SLC9A1: variants seen among roughly 807,000 people sequenced by gnomAD.
SLC9A1 encodes the protein sodium/hydrogen exchanger 1.
In SLC9A1, 22 loss-of-function variants were observed where a neutral mutation model predicts 67.9. That is an observed-to-expected ratio of 0.32 (90% confidence interval 0.23 to 0.46). SLC9A1 has a LOEUF of 0.46. Ranked by LOEUF, SLC9A1 falls within the 20% of genes least tolerant of loss-of-function variation. The pLI is 1.00. For synonymous variants in SLC9A1, 421 were observed against 471.8 expected (o/e 0.89, Z 1.40); for missense variants, 686 against 1,094.8 (o/e 0.63, Z 5.27).
intron 3 of SLC9A1, among the ~76,000 whole-genome samples, 155 bp from the exon 4 acceptor site, chr1:27,108,020 A>G (rs11800862): frequency 0.024 from 3,470 of 145,972 alleles, 133 homozygotes; most frequent in African/African-American, 0.082. Flanking sequence ...CCCTCTTGCC[A>G]CTCATCCTCA....
In SLC9A1 at chr1:27,106,174, TC is replaced by T. The variant is rs1428379319; in HGVS notation, c.1283-88del. Reference sequence around the variant, plus strand: ...TCTGCATCAGTGATTTCTCTGTGCATCCAGGAAGTCTCCATTACGAAGCCCA... The same window carrying T: ...TCTGCATCAGTGATTTCTCTGTGCATCAGGAAGTCTCCATTACGAAGCCCA... On this transcript the variant is annotated intron_variant, in intron 4 of 11. Transcript: ENST00000263980. The surrounding 1 kb of genome is among the most constrained non-coding windows in gnomAD (Gnocchi z 4.3). 4 of 873,684 alleles carry T rather than the reference TC, an allele frequency of 4.6e-6. No homozygotes were observed. The highest frequency in any genetic ancestry group is 3.6e-6 in the Non-Finnish European group (2 of 548,696). The allele number at this position is 873,684 out of a possible 1,614,324, so 54.1% of individuals were successfully genotyped here. A position where few individuals can be genotyped will look rare whatever the true frequency, so the allele number is the denominator to read the frequency against.
chr1:27,143,647 A>C (rs1303960008), intron 1 of SLC9A1, among the ~76,000 whole-genome samples: 1 of 152,198 alleles, frequency 6.6e-6, no homozygotes, highest in African/African-American at 2.4e-5. Context: ...CGCCTTTCCC[A>C]CAGGACAGCC....
intron 1 of SLC9A1, among the ~76,000 whole-genome samples, chr1:27,121,337 G>A (rs922095077): frequency 6.6e-5 from 10 of 152,160 alleles, no homozygotes; most frequent in Non-Finnish European, 4.4e-5. Flanking sequence ...AGAGAAGACC[G>A]TGCAAGGAGG....
At position 27,114,338 on chromosome 1, in the gene SLC9A1, A is replaced by G. The variant is rs765084958; in HGVS notation, c.353-52T>C. The G allele has an allele frequency of 5.1e-5, 76 of 1,493,512 alleles. No homozygotes were observed. The highest frequency in any genetic ancestry group is 1.8e-4 in the Admixed American group (10 of 54,808). The allele number at this position is 1,493,512 out of a possible 1,614,324, so 92.5% of individuals were successfully genotyped here. ...CATGGGCTTTCGGAGGAGCCAGGAG[A>G]ATAGAAGGTTGGGGATGGGCCGGGG... is the stretch of plus-strand genomic sequence containing the variant. On this transcript the variant is annotated intron_variant, in intron 1 of 11. Transcript: ENST00000263980. The surrounding 1 kb of genome is among the most constrained non-coding windows in gnomAD (Gnocchi z 5.4).
intron 1 of SLC9A1, among the ~76,000 whole-genome samples, chr1:27,147,327 GA>G (rs1453505305): frequency 2.7e-5 from 3 of 111,806 alleles, no homozygotes; most frequent in South Asian, 2.9e-4. Flanking sequence ...AAAAAGAAAA[GA>G]AAAAAATACA....
In SLC9A1 at chr1:27,155,085, T is replaced by C. The variant is rs1557441159; in HGVS notation, c.-751A>G. The stretch of plus-strand genomic sequence containing the variant: ...CAGCTGCAGCTCCTCCTGGTCCAGC[T>C]CCAGAACTAACCCTAGCCCCGGCCC... On this transcript the variant is annotated 5_prime_UTR_variant, in exon 1 of 12. Coordinates refer to ENST00000263980, the MANE Select transcript of SLC9A1 (RefSeq NM_003047.5). This position sits in a 1 kb window ranked among gnomAD's most constrained non-coding sequence, Gnocchi z 4.5. Among the ~76,000 whole-genome samples the C allele has an allele frequency of 6.6e-6, 1 of 151,784 alleles. No individual in the cohort carries two copies. Among genetic ancestry groups the C allele is most frequent in the Non-Finnish European group, 1.5e-5 (1 of 67,910 alleles).
chr1:27,127,022 A>G (rs1314867941), intron 1 of SLC9A1, among the ~76,000 whole-genome samples: 1 of 152,032 alleles, frequency 6.6e-6, no homozygotes, highest in Admixed American at 6.6e-5. Flanking sequence ...GGCAGGGAAA[A>G]CAGAGTCTGG....
chr1:27,119,145 G>A (rs577387397), intron 1 of SLC9A1, among the ~76,000 whole-genome samples: 21 of 151,918 alleles, frequency 1.4e-4, no homozygotes, highest in African/African-American at 4.8e-4. Flanking sequence ...AGCCCCCTGC[G>A]GCTGCTCTGC....
rs1421136339 is a variant in SLC9A1, at chr1:27,138,154, C to A, written c.352+15829G>T. 2.6e-5 allele frequency among the ~76,000 whole-genome samples: 4 copies of A among 152,230 alleles called. No individual in the cohort carries two copies. In the East Asian group the frequency reaches 7.7e-4, roughly 29 times the overall value. On this transcript the variant is annotated intron_variant, in intron 1 of 11. Coordinates refer to ENST00000263980, the MANE Select transcript of SLC9A1 (RefSeq NM_003047.5). ...CCACACAGCACCATGAATCCTAGCC[C>A]CAGGCCCACGGGCCTGGCATGATCT...
intron 1 of SLC9A1, among the ~76,000 whole-genome samples, chr1:27,145,371 T>A (rs2083478975): frequency 6.6e-6 from 1 of 152,242 alleles, no homozygotes. Context: ...GGCCATATGC[T>A]AAATGCCTGC....
intron 3 of SLC9A1, among the ~76,000 whole-genome samples, chr1:27,108,305 A>T (rs2083204010): frequency 6.7e-6 from 1 of 148,370 alleles, no homozygotes; most frequent in Non-Finnish European, 1.5e-5. Context: ...TGACCTTGTA[A>T]TCCACCCGCC....
intron 1 of SLC9A1, among the ~76,000 whole-genome samples, chr1:27,138,960 C>T (rs1289796452): frequency 2.6e-5 from 4 of 152,012 alleles, no homozygotes; most frequent in South Asian, 2.1e-4. Flanking sequence ...TCAGGAGGCC[C>T]GGGAATCACC....
intron 2 of SLC9A1, among the ~76,000 whole-genome samples, chr1:27,112,295 CCA>C (rs780484782): frequency 3.9e-5 from 6 of 152,198 alleles, no homozygotes; most frequent in Admixed American, 6.5e-5. Context: ...CAGCTGAACA[CCA>C]CAGTCTGTCT....
chr1:27,121,260 G>A (rs1229551127), intron 1 of SLC9A1, among the ~76,000 whole-genome samples: 1 of 152,142 alleles, frequency 6.6e-6, no homozygotes, highest in Non-Finnish European at 1.5e-5. Flanking sequence ...AGGTCTGGAT[G>A]GGAAAGCAGG....
intron 1 of SLC9A1, among the ~76,000 whole-genome samples, chr1:27,140,441 T>C (rs1454137893): frequency 6.6e-6 from 1 of 152,102 alleles, no homozygotes; most frequent in African/African-American, 2.4e-5. Flanking sequence ...CTCCAGTCCA[T>C]ATACCTAAAA....
At chr1:27,138,300 TG>T (rs2083432356) in intron 1 of SLC9A1, among the ~76,000 whole-genome samples, 1 of 152,214 alleles carries the variant, frequency 6.6e-6, no homozygotes, top group South Asian at 2.1e-4. Context: ...TCTTGTCCTT[TG>T]GGTCTCAGCT....
intron 3 of SLC9A1, 63 bp from the exon 4 acceptor site, chr1:27,107,928 C>T: frequency 2.4e-6 from 3 of 1,254,970 alleles, no homozygotes; most frequent in Non-Finnish European, 3.4e-6. Flanking sequence ...AGCCCCTCCA[C>T]TGCCAGGGGC....
At chr1:27,143,420 A>G (rs944198453) in intron 1 of SLC9A1, among the ~76,000 whole-genome samples, 3 of 152,220 alleles carry the variant, frequency 2.0e-5, no homozygotes, top group African/African-American at 7.2e-5. Context: ...CCCCAGCAAG[A>G]AAGCTGACTC....
Position 27,114,422 on chromosome 1 carries a change from ACT to A in SLC9A1, c.353-138_353-137del. On this transcript the variant is annotated intron_variant, in intron 1 of 11. Transcript: ENST00000263980. The surrounding 1 kb of genome is among the most constrained non-coding windows in gnomAD (Gnocchi z 5.4). ...TGGGTCTCAGAGGGCTGCTCTGTTA[ACT>A]CTCTGAGCCTCCGCTTCCTCGCCTG... 1.5e-6 allele frequency: 1 copy of A among 652,432 alleles called. No homozygotes were observed. Among genetic ancestry groups the A allele is most frequent in the South Asian group, 2.0e-5 (1 of 50,022 alleles). 40.4% of individuals were successfully genotyped at this position (652,432 alleles called of 1,614,324 possible). A position where few individuals can be genotyped will look rare whatever the true frequency, so the allele number is the denominator to read the frequency against.
Sources: gnomAD v4.1 joint callset for allele counts (sites outside exome capture counted in the v4.1 genomes callset) on GRCh38, gnomAD v4.1.1 for gene constraint, Gnocchi (gnomAD v3.1) non-coding constraint, MANE v1.5 for transcripts, NCBI Gene and HGNC (gene_info 2026-07-23, HGNC 2026-07-21) for gene names.